The following AOAH variants were observed in gnomAD, a reference collection of about 807,000 sequenced individuals.
The protein encoded by AOAH is acyloxyacyl hydrolase, also known as acyloxyacyl hydrolase (neutrophil).
In AOAH, 64 loss-of-function variants were observed where a neutral mutation model predicts 92.2. That is an observed-to-expected ratio of 0.69 (90% CI 0.57 to 0.86). The LOEUF is 0.86. Ranked by LOEUF, AOAH falls within the 40% of genes least tolerant of loss-of-function variation. AOAH has a pLI of 0.00. For synonymous variants in AOAH, 263 were observed against 254.5 expected (o/e 1.03, Z -0.32); for missense variants, 656 against 694.6 (o/e 0.94, Z 0.62).
chr7:36,558,962 CA>C (rs1282015669), intron 13 of AOAH, among the ~76,000 whole-genome samples: 1 of 152,272 alleles, frequency 6.6e-6, no homozygotes, highest in Non-Finnish European at 1.5e-5. Flanking sequence ...TTTTGGCTCG[CA>C]CATGGTGCGC....
intron 4 of AOAH, among the ~76,000 whole-genome samples, chr7:36,645,961 A>G (rs867972389): frequency 6.6e-6 from 1 of 152,102 alleles, no homozygotes; most frequent in African/African-American, 2.4e-5. Context: ...ATTTAATCAC[A>G]CTCTTGCTAT....
At chr7:36,608,922 C>T (rs1414603171) in intron 11 of AOAH, among the ~76,000 whole-genome samples, 13 of 141,394 alleles carry the variant, frequency 9.2e-5, no homozygotes, top group Non-Finnish European at 1.1e-4. Context: ...GGGGGGGGGT[C>T]TGGTACAAAG....
At chr7:36,695,881 A>G (rs1481568795) in intron 1 of AOAH, among the ~76,000 whole-genome samples, 1 of 152,102 alleles carries the variant, frequency 6.6e-6, no homozygotes, top group Non-Finnish European at 1.5e-5. Flanking sequence ...TGTCACGGAG[A>G]TTTCCTTTTA....
intron 6 of AOAH, 143 bp from the exon 7 acceptor site, chr7:36,623,393 G>A (rs1792426503): frequency 1.4e-6 from 1 of 720,468 alleles, no homozygotes; most frequent in African/African-American, 1.8e-5. Context: ...TTAAGATCCT[G>A]TGTGGTGTCA....
chr7:36,625,588 G>A (rs1792605220), intron 6 of AOAH, among the ~76,000 whole-genome samples: 1 of 152,120 alleles, frequency 6.6e-6, no homozygotes, highest in Non-Finnish European at 1.5e-5. Context: ...CAGAGAGAGA[G>A]CCACCAGCAG....
In AOAH at chr7:36,659,221, T is replaced by C; in HGVS notation, c.335A>G (p.Glu112Gly). 1 of 1,614,108 alleles carries C rather than the reference T, an allele frequency of 6.2e-7. No individual in the cohort carries two copies. Among genetic ancestry groups the C allele is most frequent in the South Asian group, 1.1e-5 (1 of 91,084 alleles). ...MNADVVCHTL[E>G]FCKQNTGQPL... ...TTGGCCAGTGTTCTGTTTACAAAAC[T>C]CCAGAGTGTGACATACCACATCAGC... is the stretch of plus-strand genomic sequence containing the variant. Residue 112 changes from glutamate (E) to glycine (G), a missense_variant, in exon 4 of 21, where the codon GAG becomes GGG. Transcript: ENST00000617537.
At chr7:36,565,526 G>A (rs904454418) in intron 13 of AOAH, among the ~76,000 whole-genome samples, 1 of 151,016 alleles carries the variant, frequency 6.6e-6, no homozygotes, top group Non-Finnish European at 1.5e-5. Context: ...TTATCTATAT[G>A]TAAACATCTC....
At chr7:36,529,576 G>A (rs1178271568) in intron 19 of AOAH, among the ~76,000 whole-genome samples, 4 of 119,542 alleles carry the variant, frequency 3.3e-5, no homozygotes, top group African/African-American at 7.5e-5. Context: ...CAGATGCTGC[G>A]GATGGGGGCA....
intron 13 of AOAH, among the ~76,000 whole-genome samples, chr7:36,572,868 C>G (rs751322668): frequency 1.4e-4 from 21 of 152,224 alleles, no homozygotes; most frequent in Non-Finnish European, 2.1e-4. Flanking sequence ...ATCTCCAGCA[C>G]TGCCTTATCC....
At chr7:36,703,262 A>G (rs2116905242) in intron 1 of AOAH, among the ~76,000 whole-genome samples, 1 of 152,016 alleles carries the variant, frequency 6.6e-6, no homozygotes, top group African/African-American at 2.4e-5. Context: ...TGATATTTTG[A>G]CCTCCTCCCA....
intron 4 of AOAH, among the ~76,000 whole-genome samples, chr7:36,649,551 T>G (rs1489866902): frequency 1.3e-5 from 2 of 151,912 alleles, no homozygotes; most frequent in Non-Finnish European, 2.9e-5. Context: ...AAACAGGAGG[T>G]AAAGAAATAG....
At chr7:36,657,406 A>G (rs1227087091) in intron 4 of AOAH, among the ~76,000 whole-genome samples, 1 of 152,176 alleles carries the variant, frequency 6.6e-6, no homozygotes, top group Non-Finnish European at 1.5e-5. Flanking sequence ...GGAACAAAAC[A>G]AGATCAAGTG....
chr7:36,647,262 T>A (rs1794282619), intron 4 of AOAH, among the ~76,000 whole-genome samples: 1 of 152,214 alleles, frequency 6.6e-6, no homozygotes, highest in South Asian at 2.1e-4. Context: ...ACTTGGGGCA[T>A]CAGGGAAAAC....
At position 36,521,904 on chromosome 7, in the gene AOAH, A is replaced by G. The variant is rs951715022; in HGVS notation, c.1599+135T>C. ...TTGTTTTTATTAAATCTTCTATCCT[A>G]TACATGTATGTACACTACCTCAAAT... is the stretch of plus-strand genomic sequence containing the variant. On this transcript the variant is annotated intron_variant, in intron 20 of 20. Transcript: ENST00000617537. 1.1e-4 allele frequency: 75 copies of G among 695,036 alleles called. No homozygotes were observed. The East Asian group carries it at 2.0e-3, about 19-fold the overall frequency. 43.1% of individuals were successfully genotyped at this position (695,036 alleles called of 1,614,324 possible). A position where few individuals can be genotyped will look rare whatever the true frequency, so the allele number is the denominator to read the frequency against.
intron 13 of AOAH, among the ~76,000 whole-genome samples, chr7:36,571,307 A>G (rs1788134233): frequency 6.6e-6 from 1 of 152,022 alleles, no homozygotes. Context: ...CCCCAAAGGG[A>G]GGGCATTTTT....
At chr7:36,659,060 C>G in intron 4 of AOAH, 106 bp downstream of exon 4, 1 of 923,576 alleles carries the variant, frequency 1.1e-6, no homozygotes, top group Non-Finnish European at 1.8e-6. Flanking sequence ...TTGCCTCTCC[C>G]TGTCCCCAAA....
chr7:36,517,173 T>TCTCTC (rs1401389807), intron 20 of AOAH, among the ~76,000 whole-genome samples: 20 of 50,044 alleles, frequency 4.0e-4, no homozygotes, highest in African/African-American at 7.9e-4. Flanking sequence ...TTTCTTTCTT[T>TCTCTC]CTTTCTTTCT....
At chr7:36,642,498 A>G (rs936458312) in intron 4 of AOAH, among the ~76,000 whole-genome samples, 8 of 152,228 alleles carry the variant, frequency 5.3e-5, no homozygotes, top group Non-Finnish European at 7.3e-5. Context: ...TTCAGCCTCC[A>G]TAACTGTCAG....
chr7:36,592,014 C>G (rs1227641189), intron 12 of AOAH, among the ~76,000 whole-genome samples: 1 of 151,964 alleles, frequency 6.6e-6, no homozygotes, highest in Non-Finnish European at 1.5e-5. Context: ...TTTATGGCAA[C>G]TTCATGGGGC....
Sources: gnomAD v4.1 joint callset for allele counts (sites outside exome capture counted in the v4.1 genomes callset) on GRCh38, gnomAD v4.1.1 for gene constraint, MANE v1.5 for transcripts, NCBI Gene and HGNC (gene_info 2026-07-23, HGNC 2026-07-21) for gene names.